Variants in FAT3 observed in about 807,000 individuals in gnomAD.
FAT3 encodes protocadherin Fat 3.
FAT3 carries 95 observed loss-of-function variants against 310.2 expected under a neutral mutation model. The ratio of observed to expected loss-of-function variants is 0.31; its 90% CI spans 0.26 to 0.36. The LOEUF is 0.36. Ranked by LOEUF, FAT3 falls within the 10% of genes least tolerant of loss-of-function variation. The pLI is 1.00. For missense variants in FAT3, 5,408 were observed against 5,715.6 expected, an observed-to-expected ratio of 0.95 and a Z score of 1.74; for synonymous variants, 2,314 against 2,192.9, an observed-to-expected ratio of 1.06 and a Z score of -1.54.
chr11:92,367,461 AAAAT>A (rs988860537), intron 2 of FAT3, among the ~76,000 whole-genome samples: 2 of 152,052 alleles, frequency 1.3e-5, no homozygotes, highest in African/African-American at 2.4e-5. Context: ...AAAAATAAAT[AAAAT>A]AAATAAATAA....
chr11:92,370,178 A>G (rs942152715), intron 2 of FAT3, among the ~76,000 whole-genome samples: 5 of 152,184 alleles, frequency 3.3e-5, no homozygotes, highest in African/African-American at 1.2e-4. Flanking sequence ...AATTTACTAT[A>G]AATAATCTAA....
intron 22 of FAT3, among the ~76,000 whole-genome samples, chr11:92,874,570 G>A (rs1041084609): frequency 3.3e-5 from 5 of 152,268 alleles, no homozygotes; most frequent in East Asian, 3.9e-4. Flanking sequence ...ATGGAGTTTC[G>A]CTCTTGTTGC....
intron 2 of FAT3, among the ~76,000 whole-genome samples, chr11:92,447,359 C>T (rs1008061576): frequency 2.6e-5 from 4 of 151,780 alleles, no homozygotes; most frequent in Non-Finnish European, 4.4e-5. Context: ...ACTTAATCTG[C>T]TGGAGTCATA....
rs148376593 is a variant in FAT3 at position 92,556,533 on chromosome 11, T to C, written c.3607+31585T>C. On this transcript the variant is annotated intron_variant, in intron 3 of 27. Transcript: ENST00000525166. ...TCTGTTTACATGCCTCCCTACCCAT[T>C]GAAAAGCTGTGGTGATTTGTTAATT... Among the ~76,000 whole-genome samples the C allele has an allele frequency of 1.7e-3, 262 of 152,312 alleles. 1 individual carries two copies. Among genetic ancestry groups the C allele is most frequent in the African/African-American group, 6.1e-3 (252 of 41,568 alleles).
intron 1 of FAT3, among the ~76,000 whole-genome samples, chr11:92,290,231 A>G (rs886172673): frequency 6.6e-6 from 1 of 151,838 alleles, no homozygotes; most frequent in African/African-American, 2.4e-5. Flanking sequence ...CCTTTGCATC[A>G]TTTGACTTTA....
intron 1 of FAT3, among the ~76,000 whole-genome samples, chr11:92,293,530 A>G (rs1414921071): frequency 1.4e-5 from 1 of 70,848 alleles, no homozygotes; most frequent in East Asian, 3.0e-4. Context: ...ATATATATAT[A>G]TATATATATA....
intron 2 of FAT3, among the ~76,000 whole-genome samples, chr11:92,473,273 T>G (rs1951957456): frequency 6.6e-6 from 1 of 152,188 alleles, no homozygotes; most frequent in South Asian, 2.1e-4. Flanking sequence ...AGTAAATGTT[T>G]GTTAATTTAA....
intron 2 of FAT3, among the ~76,000 whole-genome samples, chr11:92,356,215 G>C (rs1162402311): frequency 6.6e-6 from 1 of 152,070 alleles, no homozygotes; most frequent in African/African-American, 2.4e-5. Flanking sequence ...ATCTCTTTGT[G>C]TATGTGTGTG....
At chr11:92,651,928 T>C (rs974274270) in intron 3 of FAT3, among the ~76,000 whole-genome samples, 4 of 152,148 alleles carry the variant, frequency 2.6e-5, no homozygotes, top group Non-Finnish European at 5.9e-5. Context: ...GAAATGAAAA[T>C]CAATTTGATC....
intron 3 of FAT3, among the ~76,000 whole-genome samples, chr11:92,557,209 A>G (rs1955053201): frequency 6.6e-6 from 1 of 151,830 alleles, no homozygotes; most frequent in Non-Finnish European, 1.5e-5. Flanking sequence ...ACTCCATCTG[A>G]CGTAAGTTTC....
At chr11:92,880,420 G>A (rs754672804) in intron 22 of FAT3, among the ~76,000 whole-genome samples, 4 of 151,280 alleles carry the variant, frequency 2.6e-5, no homozygotes, top group Admixed American at 6.6e-5. Context: ...GTGCCGGGGA[G>A]AAAACATCTT....
At chr11:92,399,150 T>C (rs1949953427) in intron 2 of FAT3, among the ~76,000 whole-genome samples, 1 of 152,212 alleles carries the variant, frequency 6.6e-6, no homozygotes, top group Admixed American at 6.5e-5. Flanking sequence ...TATATACACA[T>C]ATTAAGATGT....
chr11:92,878,300 T>C (rs1949580253), intron 22 of FAT3, among the ~76,000 whole-genome samples: 1 of 152,134 alleles, frequency 6.6e-6, no homozygotes, highest in African/African-American at 2.4e-5. Flanking sequence ...GAGAGTAATA[T>C]GTTTCATTTT....
At chr11:92,557,644 A>G (rs1455594521) in intron 3 of FAT3, among the ~76,000 whole-genome samples, 1 of 152,218 alleles carries the variant, frequency 6.6e-6, no homozygotes, top group Non-Finnish European at 1.5e-5. Flanking sequence ...GAATCCAGCC[A>G]TGCTGCAGGT....
intron 3 of FAT3, among the ~76,000 whole-genome samples, chr11:92,634,286 C>A (rs989608175): frequency 1.3e-5 from 2 of 152,172 alleles, no homozygotes; most frequent in Admixed American, 6.5e-5. Context: ...TTTGGGAACC[C>A]AAATCCCCCT....
At chr11:92,415,516 G>A (rs991307854) in intron 2 of FAT3, among the ~76,000 whole-genome samples, 5 of 152,136 alleles carry the variant, frequency 3.3e-5, no homozygotes, top group Admixed American at 6.5e-5. Context: ...GTTGGCCATC[G>A]TTTCGGAAAT....
chr11:92,464,574 C>T (rs1481805164), intron 2 of FAT3, among the ~76,000 whole-genome samples: 2 of 152,128 alleles, frequency 1.3e-5, no homozygotes, highest in South Asian at 2.1e-4. Context: ...CATATAGGGC[C>T]CCTTAAATGG....
intron 2 of FAT3, among the ~76,000 whole-genome samples, chr11:92,365,376 A>G (rs1008169172): frequency 6.6e-6 from 1 of 152,230 alleles, no homozygotes; most frequent in African/African-American, 2.4e-5. Context: ...GTTACCTTCA[A>G]GATGTGTAAA....
At chr11:92,812,513 C>T (rs1359191295) in intron 13 of FAT3, among the ~76,000 whole-genome samples, 1 of 150,320 alleles carries the variant, frequency 6.7e-6, no homozygotes, top group African/African-American at 2.5e-5. Context: ...ACCCGGGAGG[C>T]GGAGGTTGCA....
Sources: allele counts gnomAD v4.1 joint callset (sites outside exome capture counted in the v4.1 genomes callset), GRCh38; gene constraint gnomAD v4.1.1; transcripts MANE v1.5; gene names NCBI Gene and HGNC (gene_info 2026-07-23, HGNC 2026-07-21).